Variants in CCDC178 observed in about 807,000 individuals in gnomAD.
CCDC178 encodes the protein coiled-coil domain containing 178.
In CCDC178, 126 loss-of-function variants were observed where a neutral mutation model predicts 117.4. The observed-to-expected ratio is 1.07, with a 90% confidence interval of 0.93 to 1.24. The LOEUF is 1.24. Among genes scored for constraint, CCDC178 ranks in the 50% most tolerant of loss-of-function variants. CCDC178 has a pLI of 0.00. For synonymous variants in CCDC178, 283 were observed against 313.4 expected (o/e 0.90, Z 1.02); for missense variants, 1,030 against 986.9 (o/e 1.04, Z -0.59).
intron 3 of CCDC178, among the ~76,000 whole-genome samples, chr18:33,403,341 G>A (rs2063735938): frequency 6.6e-6 from 1 of 152,146 alleles, no homozygotes; most frequent in East Asian, 1.9e-4. Context: ...GAGGGCTTCA[G>A]AGAACTAATT....
chr18:33,185,432 A>G lies in CCDC178; in HGVS notation c.2238+26464T>C, dbSNP rs1473417681. Among the ~76,000 whole-genome samples, 4 of 152,180 alleles carry G rather than the reference A, an allele frequency of 2.6e-5. No individual in the cohort carries two copies. The East Asian group carries it at 5.8e-4, about 22-fold the overall frequency. On this transcript the variant is annotated intron_variant, in intron 20 of 22. Coordinates refer to ENST00000383096, the MANE Select transcript of CCDC178 (RefSeq NM_001105528.4). ...TTTAAATCTTTGCAAACATGCAAAC[A>G]CAGGGGAAAAAGCACACTAAATCAT...
At chr18:33,319,954 C>T (rs922839618) in intron 11 of CCDC178, among the ~76,000 whole-genome samples, 20 of 152,140 alleles carry the variant, frequency 1.3e-4, no homozygotes, top group African/African-American at 2.9e-4. Flanking sequence ...AATCAATAAA[C>T]GTAATCCAGC....
chr18:33,263,911 T>TAA (rs56982183), intron 14 of CCDC178, among the ~76,000 whole-genome samples: 11 of 149,594 alleles, frequency 7.4e-5, no homozygotes, highest in South Asian at 2.1e-4. Context: ...TACACATGGT[T>TAA]AAAAAAAAAA....
chr18:33,120,644 A>G (rs2057924610), intron 20 of CCDC178, among the ~76,000 whole-genome samples: 1 of 152,164 alleles, frequency 6.6e-6, no homozygotes, highest in South Asian at 2.1e-4. Flanking sequence ...GGTGAAAAGG[A>G]TAGCTATAAA....
chr18:33,273,129 T>C (rs2059909195), intron 12 of CCDC178, among the ~76,000 whole-genome samples: 3 of 151,472 alleles, frequency 2.0e-5, no homozygotes, highest in Non-Finnish European at 4.4e-5. Context: ...ATAAAAGGAT[T>C]TGTGTAGAGA....
At chr18:33,153,562 G>T (rs1013815811) in intron 20 of CCDC178, among the ~76,000 whole-genome samples, 4 of 152,030 alleles carry the variant, frequency 2.6e-5, no homozygotes, top group East Asian at 1.9e-4. Flanking sequence ...AAATTGCAAA[G>T]ATTTAAACAT....
chr18:33,151,672 C>T (rs1410653328), intron 20 of CCDC178, among the ~76,000 whole-genome samples: 1 of 152,036 alleles, frequency 6.6e-6, no homozygotes, highest in Non-Finnish European at 1.5e-5. Context: ...GTTATCACCC[C>T]AAGAAAACTG....
At chr18:33,354,341 A>G (rs887786537) in intron 7 of CCDC178, among the ~76,000 whole-genome samples, 13 of 152,100 alleles carry the variant, frequency 8.5e-5, no homozygotes, top group African/African-American at 3.1e-4. Context: ...CAAATTGAAG[A>G]GTTTCTTAGC....
At chr18:33,132,357 G>A (rs2058076225) in intron 20 of CCDC178, among the ~76,000 whole-genome samples, 1 of 151,680 alleles carries the variant, frequency 6.6e-6, no homozygotes, top group African/African-American at 2.4e-5. Context: ...AAGAGGTTAT[G>A]CACTATTGAA....
chr18:33,281,053 G>T (rs1321840259), intron 12 of CCDC178, among the ~76,000 whole-genome samples: 1 of 151,654 alleles, frequency 6.6e-6, no homozygotes, highest in East Asian at 1.9e-4. Flanking sequence ...GGATACATAT[G>T]TAACTAACCT....
At chr18:33,181,593 A>G (rs2058733153) in intron 20 of CCDC178, among the ~76,000 whole-genome samples, 1 of 151,904 alleles carries the variant, frequency 6.6e-6, no homozygotes, top group Admixed American at 6.6e-5. Flanking sequence ...ATTTATATGT[A>G]TTGTTCCCAC....
At chr18:33,280,063 C>T (rs2060002212) in intron 12 of CCDC178, among the ~76,000 whole-genome samples, 1 of 149,634 alleles carries the variant, frequency 6.7e-6, no homozygotes, top group African/African-American at 2.5e-5. Context: ...ATGTCTAAAA[C>T]ACCAAAAGCA....
intron 21 of CCDC178, among the ~76,000 whole-genome samples, chr18:32,976,235 T>C (rs575476617): frequency 6.6e-6 from 1 of 152,266 alleles, no homozygotes; most frequent in East Asian, 1.9e-4. Context: ...AATTGTGTTT[T>C]CTTTAGTATT....
rs576113413 is a variant in CCDC178, at chr18:33,158,992, C to T, written c.2238+52904G>A. ...TACTCTTATAATTGGATGAGGACAG[C>T]CTCGTTGTCATATAAAAATTTTTAA... On this transcript the variant is annotated intron_variant, in intron 20 of 22. Coordinates refer to ENST00000383096, the MANE Select transcript of CCDC178 (RefSeq NM_001105528.4). Among the ~76,000 whole-genome samples the T allele has an allele frequency of 7.4e-4, 113 of 152,110 alleles. 1 individual carries two copies. Among genetic ancestry groups the T allele is most frequent in the African/African-American group, 2.6e-3 (109 of 41,524 alleles).
intron 21 of CCDC178, among the ~76,000 whole-genome samples, chr18:33,017,937 C>T (rs983106406): frequency 6.6e-6 from 1 of 151,788 alleles, no homozygotes; most frequent in Non-Finnish European, 1.5e-5. Flanking sequence ...TAGATTGAAA[C>T]TCAAGATAAA....
chr18:33,380,700 T>C (rs760957002), intron 5 of CCDC178, among the ~76,000 whole-genome samples: 19 of 152,202 alleles, frequency 1.2e-4, no homozygotes, highest in Non-Finnish European at 2.6e-4. Flanking sequence ...CCCTGGGAAT[T>C]GGAATGTCCT....
At chr18:33,264,356 ATCT>A in intron 14 of CCDC178, among the ~76,000 whole-genome samples, 1 of 151,982 alleles carries the variant, frequency 6.6e-6, no homozygotes, top group African/African-American at 2.4e-5. Context: ...CTGAGTTTTA[ATCT>A]TCTCTTCTTT....
At chr18:33,407,463 A>C (rs1243566171) in intron 3 of CCDC178, among the ~76,000 whole-genome samples, 1 of 152,114 alleles carries the variant, frequency 6.6e-6, no homozygotes, top group Non-Finnish European at 1.5e-5. Context: ...AAGCAAAATA[A>C]CAACAAAAAC....
intron 21 of CCDC178, among the ~76,000 whole-genome samples, chr18:33,052,789 T>A (rs1221504476): frequency 1.3e-5 from 2 of 152,182 alleles, no homozygotes; most frequent in Non-Finnish European, 2.9e-5. Context: ...AAGCAGGATT[T>A]AAAAAAATTT....
Sources: allele counts gnomAD v4.1 joint callset (sites outside exome capture counted in the v4.1 genomes callset), GRCh38; gene constraint gnomAD v4.1.1; transcripts MANE v1.5; gene names NCBI Gene and HGNC (gene_info 2026-07-23, HGNC 2026-07-21).